Variants in SCN1A observed in about 807,000 individuals in gnomAD.
SCN1A encodes the protein sodium voltage-gated channel alpha subunit 1.
A neutral mutation model predicts 193.7 loss-of-function variants in SCN1A; 13 were observed. That is an observed-to-expected ratio of 0.07 (90% CI 0.04 to 0.11). The LOEUF is 0.11. Among genes scored for constraint, SCN1A ranks in the 10% least tolerant of loss-of-function variants. The probability of loss-of-function intolerance (pLI) is 1.00; values close to 1 mark genes in which losing one functional copy is unlikely to be tolerated. For missense variants in SCN1A, 1,432 were observed against 2,451.1 expected (o/e 0.58, Z 8.78); for synonymous variants, 781 against 843.6 (o/e 0.93, Z 1.29).
At chr2:166,027,097 C>T in intron 19 of SCN1A, 1 of 152,096 alleles carries the variant, frequency 6.6e-6, no homozygotes, top group East Asian at 1.9e-4. Flanking sequence ...TGACTTGTAT[C>T]ATCCATGTAT....
At chr2:166,027,606 AATAT>A (rs563568672) in intron 19 of SCN1A, among the ~76,000 whole-genome samples, 206 of 151,062 alleles carry the variant, frequency 1.4e-3, no homozygotes, top group African/African-American at 4.9e-3. Context: ...ATATATATTT[AATAT>A]ATATATTTAA....
Position 166,002,736 on chromosome 2 carries a change from A to G in SCN1A, c.4020T>C (p.Leu1340=), listed in dbSNP as rs1691091194. The change falls in exon 24 of 29, where the codon CTT becomes CTC. Residue 1340 remains leucine (L), a synonymous_variant. Transcript: ENST00000674923. The part of the protein sequence containing the change: ...FEGMRVVVNA[L]LGAIPSIMNV... ...TCATGATGGATGGAATTGCTCCTAA[A>G]AGGGCATTCACAACCACCTAATACA... 3.1e-6 allele frequency: 5 copies of G among 1,610,652 alleles called. No homozygotes were observed. Among genetic ancestry groups the G allele is most frequent in the Non-Finnish European group, 4.2e-6 (5 of 1,178,124 alleles).
intron 23 of SCN1A, among the ~76,000 whole-genome samples, chr2:166,003,224 T>TA (rs1210525485): frequency 6.6e-6 from 1 of 151,472 alleles, no homozygotes; most frequent in Admixed American, 6.6e-5. Context: ...ATGATAAATA[T>TA]AAAAAATATT....
rs1038692121 is a variant in SCN1A, at chr2:166,047,029, G to A, written c.1171-53C>T. ...CTCAATATTATTTCACTAAGTGGTG[G>A]CTTCAACTTTCAATTTACTCATGTG... is the stretch of plus-strand genomic sequence containing the variant. On this transcript the variant is annotated intron_variant, in intron 11 of 28. Transcript: ENST00000674923. 5.0e-6 allele frequency: 8 copies of A among 1,591,690 alleles called. No homozygotes were observed. The African/African-American group carries it at 9.4e-5, about 19-fold the overall frequency.
chr2:166,005,917 CT>C (rs899995663), intron 23 of SCN1A, among the ~76,000 whole-genome samples: 1 of 150,878 alleles, frequency 6.6e-6, no homozygotes, highest in Non-Finnish European at 1.5e-5. Flanking sequence ...TTCTCAGAAG[CT>C]TTTTTTTCAA....
intron 2 of SCN1A, among the ~76,000 whole-genome samples, chr2:166,090,732 G>T (rs943848441): frequency 6.6e-6 from 1 of 151,968 alleles, no homozygotes; most frequent in African/African-American, 2.4e-5. Context: ...GTACTTAATA[G>T]GTCCTCAAAA....
At chr2:166,027,063 T>C (rs1445203166) in intron 19 of SCN1A, 1 of 152,228 alleles carries the variant, frequency 6.6e-6, no homozygotes, top group African/African-American at 2.4e-5. Context: ...TGAATCTTAA[T>C]AGCTAAATTA....
chr2:165,997,351 C>A lies in SCN1A; in HGVS notation c.4476+687G>T, dbSNP rs542664211. Among the ~76,000 whole-genome samples, 249 of 151,208 alleles carry A rather than the reference C, an allele frequency of 1.6e-3. 2 individuals are homozygous for A. The highest frequency in any genetic ancestry group is 6.8e-3 in the Middle Eastern group (2 of 294). On this transcript the variant is annotated intron_variant, in intron 26 of 28. Coordinates refer to ENST00000674923, the MANE Select transcript of SCN1A (RefSeq NM_001165963.4). ...TTATAATTATAGATAAAAAGTACAA[C>A]AATAAGAGTATGTGCAGAAATACTC...
intron 4 of SCN1A, among the ~76,000 whole-genome samples, chr2:166,063,503 T>C (rs973202121): frequency 6.6e-6 from 1 of 152,102 alleles, no homozygotes; most frequent in Non-Finnish European, 1.5e-5. Context: ...ATATTTGCAA[T>C]GCCCTGTGCT....
intron 28 of SCN1A, 76 bp downstream of exon 28, chr2:165,994,070 G>T: frequency 3.5e-6 from 4 of 1,139,488 alleles, no homozygotes; most frequent in Non-Finnish European, 5.1e-6. Flanking sequence ...TTGCTGGGAT[G>T]ATCTTGAATC....
intron 14 of SCN1A, 22 bp downstream of exon 14, chr2:166,043,647 G>T (rs762770874): frequency 2.1e-5 from 34 of 1,605,876 alleles, no homozygotes; most frequent in Non-Finnish European, 1.1e-5. Flanking sequence ...AGCCATGCCT[G>T]AACTATTTAA....
intron 19 of SCN1A, among the ~76,000 whole-genome samples, chr2:166,026,679 C>CTTTTTTTTT (rs35750460): frequency 1.1e-3 from 111 of 97,682 alleles, no homozygotes; most frequent in African/African-American, 1.8e-3. Context: ...TTCTTTCTTT[C>CTTTTTTTTT]TTTTTTTTTT....
chr2:165,997,843 T>G (rs1232553465), intron 26 of SCN1A, among the ~76,000 whole-genome samples, 195 bp downstream of exon 26: 1 of 151,110 alleles, frequency 6.6e-6, no homozygotes, highest in Non-Finnish European at 1.5e-5. Context: ...TGAACAAGAG[T>G]GTGGAACACA....
At chr2:166,038,423 C>T (rs1022217687) in intron 17 of SCN1A, among the ~76,000 whole-genome samples, 1 of 151,988 alleles carries the variant, frequency 6.6e-6, no homozygotes, top group Admixed American at 6.6e-5. Context: ...TCACTGCAAC[C>T]TCTGCCTCCC....
chr2:166,096,460 T>G (rs919760425), intron 2 of SCN1A, among the ~76,000 whole-genome samples: 1 of 152,118 alleles, frequency 6.6e-6, no homozygotes, highest in African/African-American at 2.4e-5. Context: ...TTTTGTATTT[T>G]TAGTAGAGAC....
At chr2:166,003,527 T>C (rs1446194548) in intron 23 of SCN1A, among the ~76,000 whole-genome samples, 1 of 151,432 alleles carries the variant, frequency 6.6e-6, no homozygotes, top group Non-Finnish European at 1.5e-5. Flanking sequence ...TTATCTACTT[T>C]TTTTTTTTTC....
Position 166,045,073 on chromosome 2 carries a change from T to G in SCN1A, c.1632A>C (p.Thr544=). The change falls in exon 13 of 29, where the codon ACA becomes ACC. Residue 544 remains threonine, a synonymous_variant. Transcript: ENST00000674923. ...FRFSIEGNRL[T]YEKRYSSPHQ... Reference sequence around the variant, plus strand: ...GTGGGGAGGAGTACCTCTTTTCATATGTCAATCGGTTCCCTTCAATGGAGA... The same window carrying G: ...GTGGGGAGGAGTACCTCTTTTCATAGGTCAATCGGTTCCCTTCAATGGAGA... 6.2e-7 allele frequency: 1 copy of G among 1,614,184 alleles called. No homozygotes were observed. The highest frequency in any genetic ancestry group is 8.5e-7 in the Non-Finnish European group (1 of 1,180,018).
intron 1 of SCN1A, among the ~76,000 whole-genome samples, chr2:166,138,053 G>A (rs2212659): frequency 0.45 from 68,000 of 151,932 alleles, 16,017 homozygotes; most frequent in Admixed American, 0.58. Context: ...TTTGAACTTG[G>A]GAGAGATGAT....
intron 19 of SCN1A, among the ~76,000 whole-genome samples, chr2:166,032,277 A>C (rs1259561006): frequency 2.0e-5 from 1 of 49,098 alleles, no homozygotes; most frequent in African/African-American, 8.4e-5. Flanking sequence ...TTATTAGTAT[A>C]CTCCTTTATC....
Sources: allele counts gnomAD v4.1 joint callset (sites outside exome capture counted in the v4.1 genomes callset), GRCh38; gene constraint gnomAD v4.1.1; transcripts MANE v1.5; gene names NCBI Gene and HGNC (gene_info 2026-07-23, HGNC 2026-07-21).